ATP8B4: variants seen among roughly 807,000 people sequenced by gnomAD.
ATP8B4 encodes ATPase phospholipid transporting 8B4 (putative), also known as probable phospholipid-transporting ATPase IM.
ATP8B4 carries 133 observed loss-of-function variants against 145.6 expected under a neutral mutation model. The ratio of observed to expected loss-of-function variants is 0.91; its 90% CI spans 0.79 to 1.05. The LOEUF (loss-of-function observed/expected upper bound fraction) is 1.05, where lower values mean the gene tolerates loss of function less well. Among genes scored for constraint, ATP8B4 ranks in the 50% least tolerant of loss-of-function variants. The pLI is 0.00. For synonymous variants in ATP8B4, 507 were observed against 492.9 expected (o/e 1.03, Z -0.38); for missense variants, 1,458 against 1,425.2 (o/e 1.02, Z -0.37).
At chr15:49,863,091 T>C (rs766840154) in intron 26 of ATP8B4, among the ~76,000 whole-genome samples, 1 of 152,214 alleles carries the variant, frequency 6.6e-6, no homozygotes, top group Admixed American at 6.5e-5. Context: ...AATGATCGCA[T>C]TGATTGGCTT....
At chr15:50,167,848 T>C (rs868538829) in intron 1 of ATP8B4, among the ~76,000 whole-genome samples, 1 of 152,192 alleles carries the variant, frequency 6.6e-6, no homozygotes, top group Non-Finnish European at 1.5e-5. Context: ...TAGTATACTT[T>C]AAATAAACAG....
intron 7 of ATP8B4, among the ~76,000 whole-genome samples, chr15:50,008,033 T>C (rs2048443561): frequency 6.6e-6 from 1 of 152,168 alleles, no homozygotes; most frequent in African/African-American, 2.4e-5. Context: ...TTATTACTGA[T>C]AAAGACCAGG....
intron 18 of ATP8B4, among the ~76,000 whole-genome samples, chr15:49,919,166 T>G (rs1282622767): frequency 6.6e-6 from 1 of 152,196 alleles, no homozygotes; most frequent in Non-Finnish European, 1.5e-5. Context: ...GCAGAGATCT[T>G]GGGACTTATT....
intron 14 of ATP8B4, among the ~76,000 whole-genome samples, chr15:49,938,405 T>C (rs570900106): frequency 2.6e-5 from 4 of 151,906 alleles, no homozygotes; most frequent in Non-Finnish European, 5.9e-5. Context: ...AAGCAAAAAG[T>C]TGGAGAAAGT....
At chr15:49,927,008 TTTC>T (rs2040784737) in intron 16 of ATP8B4, among the ~76,000 whole-genome samples, 2 of 152,300 alleles carry the variant, frequency 1.3e-5, no homozygotes, top group South Asian at 4.1e-4. Context: ...CTTCTTGTAA[TTTC>T]TTCTTCTTTA....
intron 7 of ATP8B4, among the ~76,000 whole-genome samples, chr15:50,005,185 A>G (rs2048207101): frequency 6.6e-6 from 1 of 152,102 alleles, no homozygotes; most frequent in Non-Finnish European, 1.5e-5. Context: ...GTTCTTCATG[A>G]AGGAACCAGT....
At chr15:49,975,545 TC>T (rs766654557) in intron 12 of ATP8B4, among the ~76,000 whole-genome samples, 46 of 152,138 alleles carry the variant, frequency 3.0e-4, no homozygotes, top group Non-Finnish European at 5.9e-4. Flanking sequence ...GACACAACCA[TC>T]CTTTTTTTAT....
At chr15:50,047,663 C>T (rs1473633934) in intron 3 of ATP8B4, among the ~76,000 whole-genome samples, 199 bp from the exon 4 acceptor site, 2 of 151,218 alleles carry the variant, frequency 1.3e-5, no homozygotes, top group Admixed American at 1.3e-4. Flanking sequence ...TGGTCCATGC[C>T]ATAAACTCAC....
At chr15:49,925,176 A>C (rs1036741960) in intron 16 of ATP8B4, among the ~76,000 whole-genome samples, 9 of 152,144 alleles carry the variant, frequency 5.9e-5, no homozygotes, top group Admixed American at 2.0e-4. Context: ...GTTTTATAAC[A>C]CTAGTTACTA....
intron 5 of ATP8B4, 45 bp downstream of exon 5, chr15:50,044,549 C>G: frequency 1.5e-6 from 2 of 1,343,864 alleles, no homozygotes; most frequent in Non-Finnish European, 2.1e-6. Context: ...TGAGAAGCCA[C>G]AACTGAAATT....
At chr15:50,107,327 C>G (rs1164707410) in intron 1 of ATP8B4, among the ~76,000 whole-genome samples, 1 of 152,186 alleles carries the variant, frequency 6.6e-6, no homozygotes, top group East Asian at 1.9e-4. Flanking sequence ...GTTCCAGAAT[C>G]TGCCTTTTAT....
Position 50,069,105 on chromosome 15 carries a change from C to T in ATP8B4, c.87+5022G>A, listed in dbSNP as rs544579113. On this transcript the variant is annotated intron_variant, in intron 3 of 27. Coordinates refer to ENST00000284509, the MANE Select transcript of ATP8B4 (RefSeq NM_024837.4). ...TTATTAACCAAGAAAACATTGAACTCCCTTCTAATGAGAATAATTCTTCTA... is the reference window on the plus strand; with the variant it reads ...TTATTAACCAAGAAAACATTGAACTTCCTTCTAATGAGAATAATTCTTCTA... Among the ~76,000 whole-genome samples the T allele has an allele frequency of 7.0e-4, 107 of 152,186 alleles. 2 individuals are homozygous for T. Among genetic ancestry groups the T allele is most frequent in the African/African-American group, 2.5e-3 (105 of 41,524 alleles).
intron 6 of ATP8B4, among the ~76,000 whole-genome samples, chr15:50,031,989 G>A (rs993553892): frequency 6.6e-6 from 1 of 151,898 alleles, no homozygotes; most frequent in African/African-American, 2.4e-5. Flanking sequence ...TACTGTTTGG[G>A]GATTTACATG....
intron 20 of ATP8B4, among the ~76,000 whole-genome samples, chr15:49,907,508 G>A (rs558074104): frequency 6.2e-4 from 95 of 152,284 alleles, no homozygotes; most frequent in African/African-American, 2.1e-3. Context: ...GTCCTTGTTG[G>A]TGGAAAGATT....
chr15:49,956,809 G>A (rs1226560656), intron 14 of ATP8B4, among the ~76,000 whole-genome samples: 2 of 152,128 alleles, frequency 1.3e-5, no homozygotes, highest in Non-Finnish European at 2.9e-5. Flanking sequence ...ACCTCTCAAA[G>A]TGCTGTGACT....
Position 49,860,266 on chromosome 15 carries a change from C to T in ATP8B4, c.3507G>A (p.Trp1169Ter). The change falls in exon 28 of 28, where the codon TGG (tryptophan) becomes TGA (stop). Residue 1169 changes from tryptophan to a stop codon, truncating the protein, a stop_gained. Transcript: ENST00000284509. LOFTEE classifies it high-confidence loss of function. ...TGGTTTTCTTACATAAATTTTCAAT[C>T]CAGCTAGTGCTATTATAATGTGTCT... The part of the protein sequence containing the change: ...LEKTHYNSTS[W>*]IENLCKKTTD... The T allele has an allele frequency of 6.2e-7, 1 of 1,614,174 alleles. No homozygotes were observed. Among genetic ancestry groups the T allele is most frequent in the Non-Finnish European group, 8.5e-7 (1 of 1,179,992 alleles).
At chr15:50,131,502 T>G (rs1295917973) in intron 1 of ATP8B4, among the ~76,000 whole-genome samples, 1 of 152,080 alleles carries the variant, frequency 6.6e-6, no homozygotes, top group African/African-American at 2.4e-5. Context: ...CTATAATGAT[T>G]CTCCTTTTAT....
At position 50,126,372 on chromosome 15, in the gene ATP8B4, T is replaced by C. The variant is rs1166257206; in HGVS notation, c.-42-19364A>G. On this transcript the variant is annotated intron_variant, in intron 1 of 3. Transcript: ENST00000558829. Reference sequence around the variant, plus strand: ...AGTTTCAGTTAAGGGAACAGGTTAATAATGTTTACTGAACAGACCCAGGAA... The same window carrying C: ...AGTTTCAGTTAAGGGAACAGGTTAACAATGTTTACTGAACAGACCCAGGAA... Among the ~76,000 whole-genome samples, 3 of 152,120 alleles carry C rather than the reference T, an allele frequency of 2.0e-5. No homozygotes were observed. In the South Asian group the frequency reaches 6.2e-4, roughly 32 times the overall value.
intron 1 of ATP8B4, among the ~76,000 whole-genome samples, chr15:50,133,999 T>A (rs1595633538): frequency 6.6e-6 from 1 of 152,126 alleles, no homozygotes. Context: ...AATAAAAAAA[T>A]GGTAACTGTG....
Sources: gnomAD v4.1 joint callset for allele counts (sites outside exome capture counted in the v4.1 genomes callset) on GRCh38, gnomAD v4.1.1 for gene constraint, MANE v1.5 for transcripts, NCBI Gene and HGNC (gene_info 2026-07-23, HGNC 2026-07-21) for gene names.